Variants in CDC42BPA observed in about 807,000 individuals in gnomAD.
The protein encoded by CDC42BPA is serine/threonine-protein kinase MRCK alpha.
Under a neutral mutation model 223.5 loss-of-function variants are expected in CDC42BPA, and 80 were observed. The observed-to-expected ratio is 0.36, with a 90% confidence interval of 0.30 to 0.43. CDC42BPA has a LOEUF of 0.43. Ranked by LOEUF, CDC42BPA falls within the 20% of genes least tolerant of loss-of-function variation. CDC42BPA has a pLI of 1.00. For synonymous variants in CDC42BPA, 694 were observed against 718.6 expected, an observed-to-expected ratio of 0.97 and a Z score of 0.55; for missense variants, 1,743 against 2,099.9, an observed-to-expected ratio of 0.83 and a Z score of 3.32.
chr1:227,304,046 T>C (rs908731512), intron 1 of CDC42BPA, among the ~76,000 whole-genome samples: 3 of 152,202 alleles, frequency 2.0e-5, no homozygotes, highest in Non-Finnish European at 4.4e-5. Context: ...CTCACCACCA[T>C]GAAGTACTTG....
intron 2 of CDC42BPA, among the ~76,000 whole-genome samples, chr1:227,232,465 C>T (rs767852311): frequency 2.0e-5 from 3 of 152,198 alleles, no homozygotes; most frequent in Non-Finnish European, 4.4e-5. Context: ...CAAGGAGCTG[C>T]GTTCCTTTGG....
At chr1:227,047,803 T>C in intron 23 of CDC42BPA, 124 bp downstream of exon 23, 1 of 594,878 alleles carries the variant, frequency 1.7e-6, no homozygotes, top group South Asian at 2.3e-5. Context: ...ACACATAATT[T>C]ATTTTATAAG....
In CDC42BPA at chr1:226,991,817, A is replaced by C. The variant is rs1660771904; in HGVS notation, c.*2451T>G. 1.3e-5 allele frequency: 2 copies of C among 149,092 alleles called. No individual in the cohort carries two copies. Among genetic ancestry groups the C allele is most frequent in the Admixed American group, 1.3e-4 (2 of 14,868 alleles). The allele number at this position is 149,092 out of a possible 1,614,324, so 9.2% of individuals were successfully genotyped here. ...CTTTGCAAAATAAGCACCTATAAGC[A>C]ACAAAAATTCATAATTACTTGTCAA... On this transcript the variant is annotated 3_prime_UTR_variant, in exon 37 of 37. Coordinates refer to ENST00000366766, the MANE Select transcript of CDC42BPA (RefSeq NM_001394014.1).
At chr1:227,045,272 A>C (rs183992840) in intron 23 of CDC42BPA, among the ~76,000 whole-genome samples, 45 of 152,338 alleles carry the variant, frequency 3.0e-4, no homozygotes, top group Admixed American at 2.9e-3. Flanking sequence ...GGAATCAAAA[A>C]TTCTAGCTTG....
intron 24 of CDC42BPA, among the ~76,000 whole-genome samples, chr1:227,036,442 T>C (rs976848316): frequency 1.4e-5 from 2 of 147,092 alleles, no homozygotes; most frequent in Non-Finnish European, 3.0e-5. Flanking sequence ...TTTTTTTTTT[T>C]TTTTGAGACG....
At chr1:226,995,305 C>T (rs1193998007) in intron 35 of CDC42BPA, among the ~76,000 whole-genome samples, 1 of 152,220 alleles carries the variant, frequency 6.6e-6, no homozygotes, top group African/African-American at 2.4e-5. Context: ...CCTTGCACAT[C>T]TTTCCCAGCC....
chr1:227,170,409 A>G (rs1665889524), intron 5 of CDC42BPA, among the ~76,000 whole-genome samples: 1 of 151,998 alleles, frequency 6.6e-6, no homozygotes, highest in African/African-American at 2.4e-5. Context: ...TAGAGAAGAT[A>G]CAATTAGGTG....
chr1:227,177,127 G>GAAA (rs141253636), intron 5 of CDC42BPA, among the ~76,000 whole-genome samples: 8 of 56,482 alleles, frequency 1.4e-4, no homozygotes, highest in African/African-American at 4.3e-4. Flanking sequence ...AAAGATGTAA[G>GAAA]AAAAAAAAAA....
chr1:227,039,616 T>TCTATGCCTTTCCC (rs1359194449), intron 24 of CDC42BPA, among the ~76,000 whole-genome samples: 1 of 152,094 alleles, frequency 6.6e-6, no homozygotes, highest in Non-Finnish European at 1.5e-5. Context: ...GAGGGTAGGA[T>TCTATGCCTTTCCC]CTATGCCTTT....
chr1:227,196,923 TGTCAATGTTGATATAACTAA>T (rs1670857674), intron 4 of CDC42BPA, among the ~76,000 whole-genome samples: 1 of 152,214 alleles, frequency 6.6e-6, no homozygotes, highest in African/African-American at 2.4e-5. Flanking sequence ...AAATTTTATG[TGTCAATGTTGATATAACTAA>T]GCAGCTTTGT....
chr1:226,994,540 C>G lies in CDC42BPA; in HGVS notation c.5134-141G>C, dbSNP rs1661199537. The G allele has an allele frequency of 6.0e-6, 6 of 992,434 alleles. No individual in the cohort carries two copies. The highest frequency in any genetic ancestry group is 1.6e-5 in the African/African-American group (1 of 60,636). 61.5% of individuals were successfully genotyped at this position (992,434 alleles called of 1,614,324 possible). A position where few individuals can be genotyped will look rare whatever the true frequency, so the allele number is the denominator to read the frequency against. ...CCTCACTGTCGGTATAAAGCCCCTTCTATGAGCTGAGGAAGAGGCACGGAA... is the reference window on the plus strand; with the variant it reads ...CCTCACTGTCGGTATAAAGCCCCTTGTATGAGCTGAGGAAGAGGCACGGAA... On this transcript the variant is annotated intron_variant, in intron 36 of 36. Transcript: ENST00000366766. This position sits in a 1 kb window ranked among gnomAD's most constrained non-coding sequence, Gnocchi z 4.0.
chr1:227,230,763 A>G (rs1677707613), intron 2 of CDC42BPA, among the ~76,000 whole-genome samples: 1 of 146,598 alleles, frequency 6.8e-6, no homozygotes, highest in African/African-American at 2.5e-5. Context: ...ATACTTAAAG[A>G]TTTATCTCTT....
Position 227,112,846 on chromosome 1 carries a change from C to T in CDC42BPA, c.1715G>A (p.Arg572Lys). The part of the protein sequence containing the change: ...SKELKDAHCQ[R>K]KLAMQEFMEI... ...CATGAATTCCTGCATGGCCAGTTTC[C>T]TCTGACAGTGTGCGTCTTTCAGCTC... Residue 572 changes from arginine to lysine, a missense_variant, in exon 13 of 37, where the codon AGG becomes AAG. Physicochemically the swap from Arg to Lys is conservative, Grantham distance 26 (BLOSUM62 2). This residue lies in a region of CDC42BPA where 464 missense variants were observed against 488.0 expected (regional missense o/e 0.95). Coordinates refer to ENST00000366766, the MANE Select transcript of CDC42BPA (RefSeq NM_001394014.1). 6.2e-7 allele frequency: 1 copy of T among 1,614,058 alleles called. No individual in the cohort carries two copies. The highest frequency in any genetic ancestry group is 2.2e-5 in the East Asian group (1 of 44,868).
At chr1:227,251,772 A>G (rs1434614501) in intron 2 of CDC42BPA, among the ~76,000 whole-genome samples, 1 of 152,190 alleles carries the variant, frequency 6.6e-6, no homozygotes, top group Non-Finnish European at 1.5e-5. Context: ...AGATTTAAAC[A>G]AGATTTTGAA....
intron 1 of CDC42BPA, among the ~76,000 whole-genome samples, chr1:227,260,169 T>C (rs1513613): frequency 0.12 from 17,736 of 150,942 alleles, 1,445 homozygotes; most frequent in South Asian, 0.18. Context: ...GTTGCCTCTT[T>C]ATTCCCAAAA....
At position 227,112,366 on chromosome 1, in the gene CDC42BPA, A is replaced by C; in HGVS notation, c.1947T>G (p.Arg649=). ...AAEASKDRKL[R]EQSEHYSKQL... ...GCTTAGAATAGTGCTCACTCTGTTC[A>C]CGTAGCTTCCTGTCTTTAGATGCTT... is the stretch of plus-strand genomic sequence containing the variant. The change falls in exon 14 of 37, where the codon CGT becomes CGG. Residue 649 remains arginine, a synonymous_variant. Coordinates refer to ENST00000366766, the MANE Select transcript of CDC42BPA (RefSeq NM_001394014.1). The C allele has an allele frequency of 6.2e-7, 1 of 1,609,350 alleles. No homozygotes were observed. Among genetic ancestry groups the C allele is most frequent in the South Asian group, 1.1e-5 (1 of 90,338 alleles).
chr1:227,170,596 C>T (rs1186460623), intron 5 of CDC42BPA, among the ~76,000 whole-genome samples: 3 of 152,174 alleles, frequency 2.0e-5, no homozygotes, highest in Non-Finnish European at 4.4e-5. Flanking sequence ...CTCCCCACTG[C>T]CAGGTTCCTT....
intron 2 of CDC42BPA, among the ~76,000 whole-genome samples, chr1:227,250,035 G>C (rs1553417168): frequency 6.6e-6 from 1 of 152,144 alleles, no homozygotes; most frequent in Non-Finnish European, 1.5e-5. Flanking sequence ...TGGATTTTCT[G>C]TAACACAAAG....
intron 2 of CDC42BPA, among the ~76,000 whole-genome samples, chr1:227,237,628 A>AT (rs1558838447): frequency 6.6e-6 from 1 of 152,074 alleles, no homozygotes. Context: ...TGTTTCTCTT[A>AT]TTTTTTACAC....
Sources: allele counts gnomAD v4.1 joint callset (sites outside exome capture counted in the v4.1 genomes callset), GRCh38; gene constraint gnomAD v4.1.1; regional missense constraint gnomAD v4.1.1; non-coding constraint Gnocchi (gnomAD v3.1); transcripts MANE v1.5; gene names NCBI Gene and HGNC (gene_info 2026-07-23, HGNC 2026-07-21).